The following HEPHL1 variants were observed in gnomAD, a reference collection of about 807,000 sequenced individuals.
The protein encoded by HEPHL1 is hephaestin like 1, also known as ferroxidase HEPHL1.
Under a neutral mutation model 122.0 loss-of-function variants are expected in HEPHL1, and 123 were observed. That is an observed-to-expected ratio of 1.01 (90% CI 0.87 to 1.17). The LOEUF (loss-of-function observed/expected upper bound fraction) is 1.17, where lower values mean the gene tolerates loss of function less well. Among genes scored for constraint, HEPHL1 ranks in the 50% most tolerant of loss-of-function variants. The pLI is 0.00. For missense variants in HEPHL1, 1,452 were observed against 1,430.5 expected, an observed-to-expected ratio of 1.01 and a Z score of -0.24; for synonymous variants, 527 against 508.9, an observed-to-expected ratio of 1.04 and a Z score of -0.48.
chr11:94,084,336 TTAAATAAATAAATAAATAAA>T (rs5793669), intron 10 of HEPHL1, among the ~76,000 whole-genome samples: 5 of 146,840 alleles, frequency 3.4e-5, no homozygotes, highest in South Asian at 4.4e-4. Context: ...CTCTCTCTGT[TTAAATAAATAAATAAATAAA>T]TAAATAAATA....
intron 13 of HEPHL1, among the ~76,000 whole-genome samples, chr11:94,094,008 ATAT>A (rs1438105422): frequency 2.6e-4 from 30 of 114,476 alleles, no homozygotes; most frequent in Non-Finnish European, 4.9e-4. Context: ...ATATATATAT[ATAT>A]ATAAAACTTT....
rs201036709 is a variant in HEPHL1 at position 94,093,971 on chromosome 11, GATATATATATATATATAT to G, written c.2434+357_2434+374del. On this transcript the variant is annotated intron_variant, in intron 13 of 19. Transcript: ENST00000315765. ...AAATTTTCTTTTAAATCCTCCAGCA[GATATATATATATATATAT>G]ATATATATATATATATATATATATA... 6.5e-4 allele frequency among the ~76,000 whole-genome samples: 47 copies of G among 72,778 alleles called. 2 individuals carry two copies. Among genetic ancestry groups the G allele is most frequent in the East Asian group, 1.4e-3 (3 of 2,142 alleles). 47.7% of individuals were successfully genotyped at this position (72,778 alleles called of 152,430 possible).
Position 94,042,891 on chromosome 11 carries a change from A to AAAAAAAAAC in HEPHL1, c.171-2780_171-2779insAAAAAACAA, listed in dbSNP as rs762818935. On this transcript the variant is annotated intron_variant, in intron 1 of 19. Coordinates refer to ENST00000315765, the MANE Select transcript of HEPHL1 (RefSeq NM_001098672.2). ...AAAGTATAATAAAAAAAAAAAAAAA[A>AAAAAAAAAC]AACTGCATGAATTGCTCATTCTGGC... Among the ~76,000 whole-genome samples, 318 of 149,008 alleles carry AAAAAAAAAC rather than the reference A, an allele frequency of 2.1e-3. 12 individuals carry two copies. In the East Asian group the frequency reaches 0.054, roughly 25 times the overall value.
At position 94,064,318 on chromosome 11, in the gene HEPHL1, A is replaced by T; in HGVS notation, c.629-13A>T. 1.3e-6 allele frequency: 2 copies of T among 1,596,508 alleles called. No individual in the cohort carries two copies. The highest frequency in any genetic ancestry group is 2.2e-5 in the South Asian group (2 of 89,068). ...TAGTTCTTTCTCTCTACTCTTTTGAATGTGCCTGACAGGTATCCTGAATAG... is the reference window on the plus strand; with the variant it reads ...TAGTTCTTTCTCTCTACTCTTTTGATTGTGCCTGACAGGTATCCTGAATAG... On this transcript the variant is annotated splice_polypyrimidine_tract_variant and intron_variant, in intron 3 of 19. Coordinates refer to ENST00000315765, the MANE Select transcript of HEPHL1 (RefSeq NM_001098672.2).
At chr11:94,032,799 T>C (rs1192330780) in intron 1 of HEPHL1, among the ~76,000 whole-genome samples, 1 of 152,190 alleles carries the variant, frequency 6.6e-6, no homozygotes, top group East Asian at 1.9e-4. Flanking sequence ...AGCAGCTTCC[T>C]GATAAGATCT....
At chr11:94,063,473 G>A (rs766296824) in intron 2 of HEPHL1, 35 bp from the exon 3 acceptor site, 13 of 1,496,600 alleles carry the variant, frequency 8.7e-6, no homozygotes, top group Non-Finnish European at 8.2e-6. Context: ...TTTTAACTAT[G>A]TTTTACCTTT....
rs754729497 is a variant in HEPHL1, at chr11:94,111,902, G to A, written c.*8G>A. 3.1e-5 allele frequency: 47 copies of A among 1,502,442 alleles called. No individual in the cohort carries two copies. Among genetic ancestry groups the A allele is most frequent in the Non-Finnish European group, 3.8e-5 (43 of 1,126,188 alleles). The allele number at this position is 1,502,442 out of a possible 1,614,324, so 93.1% of individuals were successfully genotyped here. A position where few individuals can be genotyped will look rare whatever the true frequency, so the allele number is the denominator to read the frequency against. On this transcript the variant is annotated 3_prime_UTR_variant, in exon 20 of 20. Transcript: ENST00000315765. The stretch of plus-strand genomic sequence containing the variant: ...CCCACGGATGCTCTGTGAACCATCT[G>A]GTCTCCCTCAACAGGAAAGGGTGAT...
chr11:94,054,472 T>C (rs911839322), intron 2 of HEPHL1, among the ~76,000 whole-genome samples: 8 of 152,230 alleles, frequency 5.3e-5, no homozygotes, highest in Admixed American at 3.9e-4. Context: ...TTGTTTCCAC[T>C]GGTCACACAG....
chr11:94,042,754 T>G (rs987490181), intron 1 of HEPHL1, among the ~76,000 whole-genome samples: 1 of 143,284 alleles, frequency 7.0e-6, no homozygotes, highest in East Asian at 2.1e-4. Context: ...AGGGATAGCA[T>G]TGGGAGATAT....
intron 2 of HEPHL1, among the ~76,000 whole-genome samples, chr11:94,052,232 T>C (rs1945896634): frequency 6.6e-6 from 1 of 152,124 alleles, no homozygotes; most frequent in Non-Finnish European, 1.5e-5. Context: ...TTTAACAATA[T>C]TGATTCTTCC....
intron 1 of HEPHL1, among the ~76,000 whole-genome samples, chr11:94,044,390 C>T (rs1945815307): frequency 6.6e-6 from 1 of 152,204 alleles, no homozygotes; most frequent in Non-Finnish European, 1.5e-5. Flanking sequence ...TCCTCAACTC[C>T]TTTAAAACTT....
At chr11:94,049,122 A>G (rs552246649) in intron 2 of HEPHL1, among the ~76,000 whole-genome samples, 783 of 16,858 alleles carry the variant, frequency 0.046, 8 homozygotes, top group Admixed American at 0.065. Flanking sequence ...CTCCATCTCA[A>G]AAGAAACAAA....
chr11:94,088,824 G>T lies in HEPHL1; in HGVS notation c.2150G>T (p.Ser717Ile). 6.2e-7 allele frequency: 1 copy of T among 1,614,030 alleles called. No individual in the cohort carries two copies. Among genetic ancestry groups the T allele is most frequent in the Non-Finnish European group, 8.5e-7 (1 of 1,179,894 alleles). Residue 717 changes from serine to isoleucine, a missense_variant, in exon 12 of 20, where the codon AGC becomes ATC. Coordinates refer to ENST00000315765, the MANE Select transcript of HEPHL1 (RefSeq NM_001098672.2). ...GGCATGGGTCAGATCTATGAGGTCA[G>T]CAGCTGTGACAACAGGGACCCTTCT... Reference protein sequence around the residue: ...SRGMGQIYEVSSCDNRDPSEQ... With the variant: ...SRGMGQIYEVISCDNRDPSEQ...
chr11:94,035,105 G>A (rs1009482006), intron 1 of HEPHL1, among the ~76,000 whole-genome samples: 3 of 152,096 alleles, frequency 2.0e-5, no homozygotes, highest in Admixed American at 6.5e-5. Context: ...AAATTTTCTG[G>A]TCCTATAAAG....
rs200060606 is a variant in HEPHL1, at chr11:94,045,893, G to T, written c.391G>T (p.Val131Phe). ...ACCTTACTCTCTGCATCCACATGGC[G>T]TTTTCTACAACAAAGATTCAGAAGG... ...SRPYSLHPHG[V>F]FYNKDSEGAL... The change falls in exon 2 of 20, where the codon GTT becomes TTT. Residue 131 changes from valine (V) to phenylalanine (F), a missense_variant. Physicochemically the swap from Val to Phe is conservative, Grantham distance 50 (BLOSUM62 -1). Coordinates refer to ENST00000315765, the MANE Select transcript of HEPHL1 (RefSeq NM_001098672.2). 1.2e-6 allele frequency: 2 copies of T among 1,613,732 alleles called. No individual in the cohort carries two copies. Among genetic ancestry groups the T allele is most frequent in the Non-Finnish European group, 1.7e-6 (2 of 1,179,802 alleles).
chr11:94,047,290 G>T (rs944328430), intron 2 of HEPHL1, among the ~76,000 whole-genome samples: 4 of 152,146 alleles, frequency 2.6e-5, no homozygotes, highest in Admixed American at 6.5e-5. Flanking sequence ...TTGTTGTAAA[G>T]ATTATTTCAT....
At position 94,045,767 on chromosome 11, in the gene HEPHL1, A is replaced by C. The variant is rs971910805; in HGVS notation, c.265A>C (p.Ile89Leu). The C allele has an allele frequency of 1.2e-6, 2 of 1,613,862 alleles. No individual in the cohort carries two copies. The highest frequency in any genetic ancestry group is 1.3e-5 in the African/African-American group (1 of 74,948). The change falls in exon 2 of 20, where the codon ATA becomes CTA. Residue 89 changes from isoleucine (I) to leucine (L), a missense_variant. By Grantham distance (5) the Ile-to-Leu change is conservative. Coordinates refer to ENST00000315765, the MANE Select transcript of HEPHL1 (RefSeq NM_001098672.2). ...ACGCTTCACGGATGGAACCTACTCC[A>C]TAGAGATCCCCAAACCTCCCTGGCT... ...YRRFTDGTYSIEIPKPPWLGF... is the reference protein window; with the variant it reads ...YRRFTDGTYSLEIPKPPWLGF...
chr11:94,055,817 C>A, intron 2 of HEPHL1: 1 of 449,984 alleles, frequency 2.2e-6, no homozygotes, highest in African/African-American at 2.0e-5. Context: ...AAATGAGTTC[C>A]TTTCCATACT....
chr11:94,108,683 C>T (rs1030056888), intron 17 of HEPHL1, among the ~76,000 whole-genome samples: 11 of 151,904 alleles, frequency 7.2e-5, no homozygotes, highest in African/African-American at 2.7e-4. Flanking sequence ...TGACTCTTTA[C>T]TTTTGTGAAA....
Sources: gnomAD v4.1 joint callset for allele counts (sites outside exome capture counted in the v4.1 genomes callset) on GRCh38, gnomAD v4.1.1 for gene constraint, MANE v1.5 for transcripts, NCBI Gene and HGNC (gene_info 2026-07-23, HGNC 2026-07-21) for gene names.